The following SFXN4 variants were observed in gnomAD, a reference collection of about 807,000 sequenced individuals.
SFXN4 encodes sideroflexin 4.
In SFXN4, 48 loss-of-function variants were observed where a neutral mutation model predicts 54.6. The ratio of observed to expected loss-of-function variants is 0.88; its 90% confidence interval spans 0.70 to 1.12. The LOEUF (loss-of-function observed/expected upper bound fraction) is 1.12, where lower values mean the gene tolerates loss of function less well. Among genes scored for constraint, SFXN4 ranks in the 50% most tolerant of loss-of-function variants. The pLI is 0.00. For missense variants in SFXN4, 383 were observed against 409.2 expected (o/e 0.94, Z 0.55); for synonymous variants, 130 against 145.5 (o/e 0.89, Z 0.77).
At chr10:119,152,207 T>C (rs1200764591) in intron 11 of SFXN4, among the ~76,000 whole-genome samples, 1 of 139,798 alleles carries the variant, frequency 7.2e-6, no homozygotes, top group Non-Finnish European at 1.5e-5. Flanking sequence ...ATAAAGCTGT[T>C]TGAAAAAATG....
chr10:119,160,721 G>A (rs1340409645), intron 5 of SFXN4, among the ~76,000 whole-genome samples, 194 bp downstream of exon 5: 1 of 151,464 alleles, frequency 6.6e-6, no homozygotes, highest in Non-Finnish European at 1.5e-5. Flanking sequence ...TCAGCCTCCT[G>A]AGTAACTGGG....
chr10:119,161,407 TA>T (rs34385543), intron 3 of SFXN4, among the ~76,000 whole-genome samples: 1 of 82,878 alleles, frequency 1.2e-5, no homozygotes, highest in Admixed American at 1.5e-4. Context: ...CACCCAGCCT[TA>T]AAAAAACAAC....
intron 6 of SFXN4, 160 bp from the exon 7 acceptor site, chr10:119,158,222 T>C: frequency 1.5e-6 from 1 of 673,086 alleles, no homozygotes; most frequent in South Asian, 1.7e-5. Flanking sequence ...GTAGACAAGG[T>C]TGAGTGAGCA....
At chr10:119,146,438 T>C (rs1846805593) in intron 12 of SFXN4, 85 bp from the exon 13 acceptor site, 2 of 540,790 alleles carry the variant, frequency 3.7e-6, no homozygotes, top group Non-Finnish European at 6.6e-6. Flanking sequence ...CGTGTGTGTG[T>C]GTGTGTGTGT....
At chr10:119,145,304 T>TCTTC (rs36012272) in intron 13 of SFXN4, among the ~76,000 whole-genome samples, 141,860 of 145,752 alleles carry the variant, frequency 0.97, 69,155 homozygotes, top group East Asian at 1. Flanking sequence ...ATATATTTTT[T>TCTTC]CTTATGATTT....
At chr10:119,159,819 G>T (rs952474587) in intron 5 of SFXN4, 66 bp from the exon 6 acceptor site, 1 of 1,556,216 alleles carries the variant, frequency 6.4e-7, no homozygotes, top group Non-Finnish European at 8.9e-7. Context: ...GGCCAGAAGG[G>T]GACTACCCAC....
intron 13 of SFXN4, among the ~76,000 whole-genome samples, chr10:119,145,492 T>C (rs947781624): frequency 6.6e-6 from 1 of 151,960 alleles, no homozygotes; most frequent in African/African-American, 2.4e-5. Flanking sequence ...TTAGTAGAGC[T>C]GGAGTTTTGC....
Position 119,155,118 on chromosome 10 carries a change from C to T in SFXN4, c.676G>A (p.Ala226Thr). 1 of 1,614,210 alleles carries T rather than the reference C, an allele frequency of 6.2e-7. No homozygotes were observed. ...ACATTGCCTTCCTTGTCCATGACCG[C>T]AATCCCCTTAATGGATTCAAGACTT... is the stretch of plus-strand genomic sequence containing the variant. The part of the protein sequence containing the change: ...SRSLESIKGI[A>T]VMDKEGNVLG... Residue 226 changes from alanine (A) to threonine (T), a missense_variant, in exon 11 of 14, where the codon GCG becomes ACG. Coordinates refer to ENST00000355697, the MANE Select transcript of SFXN4 (RefSeq NM_213649.2).
intron 5 of SFXN4, 80 bp downstream of exon 5, chr10:119,160,835 G>C: frequency 7.0e-7 from 1 of 1,431,326 alleles, no homozygotes; most frequent in Non-Finnish European, 9.9e-7. Context: ...CCTGACCCCA[G>C]GTGATCCGGC....
intron 11 of SFXN4, among the ~76,000 whole-genome samples, chr10:119,150,845 CATA>C (rs1847037448): frequency 6.6e-6 from 1 of 152,118 alleles, no homozygotes; most frequent in South Asian, 2.1e-4. Context: ...CAGCCTGATT[CATA>C]ATAACCCAAG....
chr10:119,144,223 G>A lies in SFXN4; in HGVS notation c.936+2013C>T, dbSNP rs1453276582. On this transcript the variant is annotated intron_variant, in intron 13 of 13. Transcript: ENST00000355697. ...TGTAATACCAGCACTTTGGGAGGCCGAGGCGGGCGGATCACGAGGTCAGGA... is the reference window on the plus strand; with the variant it reads ...TGTAATACCAGCACTTTGGGAGGCCAAGGCGGGCGGATCACGAGGTCAGGA... Among the ~76,000 whole-genome samples, 11 of 152,280 alleles carry A rather than the reference G, an allele frequency of 7.2e-5. No individual in the cohort carries two copies. The South Asian group carries it at 1.9e-3, about 26-fold the overall frequency.
Position 119,165,634 on chromosome 10 carries a change from T to A in SFXN4, c.14A>T (p.Gln5Leu). 5 of 1,588,928 alleles carry A rather than the reference T, an allele frequency of 3.1e-6. No individual in the cohort carries two copies. Among genetic ancestry groups the A allele is most frequent in the Non-Finnish European group, 3.4e-6 (4 of 1,170,114 alleles). Reference sequence around the variant, plus strand: ...CCGCCCAGGTTGCGTTTCCTCCTCCTGTTCCAGGGACATTTTGCGCTGGTT... The same window carrying A: ...CCGCCCAGGTTGCGTTTCCTCCTCCAGTTCCAGGGACATTTTGCGCTGGTT... The part of the protein sequence containing the change: MSLE[Q>L]EEETQPGRLL... Residue 5 changes from glutamine (Q) to leucine (L), a missense_variant, in exon 1 of 14, where the codon CAG (glutamine) becomes CTG (leucine). Coordinates refer to ENST00000355697, the MANE Select transcript of SFXN4 (RefSeq NM_213649.2).
intron 9 of SFXN4, 42 bp downstream of exon 9, chr10:119,157,626 C>G: frequency 6.9e-7 from 1 of 1,455,162 alleles, no homozygotes. Context: ...TTCCTGGATT[C>G]TGAGGAATAA....
chr10:119,163,491 G>C (rs1291779662), intron 2 of SFXN4, among the ~76,000 whole-genome samples: 1 of 152,024 alleles, frequency 6.6e-6, no homozygotes, highest in Admixed American at 6.6e-5. Flanking sequence ...TCCACCTCCT[G>C]GGTTCAGAAA....
At position 119,145,244 on chromosome 10, in the gene SFXN4, C is replaced by T. The variant is rs1846738682; in HGVS notation, c.936+992G>A. On this transcript the variant is annotated intron_variant, in intron 13 of 13. Transcript: ENST00000355697. ...AATATGAAGATGACGAGGATGAAGACTTTGATCCTCACTGAAACTGATGAC... is the reference window on the plus strand; with the variant it reads ...AATATGAAGATGACGAGGATGAAGATTTTGATCCTCACTGAAACTGATGAC... Among the ~76,000 whole-genome samples the T allele has an allele frequency of 3.3e-5, 5 of 151,814 alleles. No homozygotes were observed. The South Asian group carries it at 1.0e-3, about 32-fold the overall frequency.
At chr10:119,144,029 TTGAA>T (rs1411562526) in intron 13 of SFXN4, among the ~76,000 whole-genome samples, 2 of 152,204 alleles carry the variant, frequency 1.3e-5, no homozygotes, top group African/African-American at 4.8e-5. Flanking sequence ...GCAAAGTTGC[TTGAA>T]TGAATGATCC....
chr10:119,156,780 A>G, intron 9 of SFXN4, 24 bp from the exon 10 acceptor site: 1 of 1,568,626 alleles, frequency 6.4e-7, no homozygotes, highest in Non-Finnish European at 8.7e-7. Flanking sequence ...GAGAAAAATC[A>G]TTATTTCATG....
intron 12 of SFXN4, among the ~76,000 whole-genome samples, chr10:119,147,333 G>A (rs373092827): frequency 9.8e-5 from 15 of 152,314 alleles, no homozygotes; most frequent in African/African-American, 2.2e-4. Context: ...CAGGTCCTCC[G>A]CCTCGTAGGC....
intron 6 of SFXN4, among the ~76,000 whole-genome samples, chr10:119,158,304 A>C (rs957842052): frequency 3.3e-5 from 5 of 152,166 alleles, no homozygotes; most frequent in Non-Finnish European, 5.9e-5. Context: ...CCAGGGCCTT[A>C]GTCCAGCAGG....
Sources: gnomAD v4.1 joint callset for allele counts (sites outside exome capture counted in the v4.1 genomes callset) on GRCh38, gnomAD v4.1.1 for gene constraint, MANE v1.5 for transcripts, NCBI Gene and HGNC (gene_info 2026-07-23, HGNC 2026-07-21) for gene names.